Variants in IL23R observed in about 807,000 individuals in gnomAD.
The protein encoded by IL23R is interleukin-23 receptor.
IL23R carries 34 observed loss-of-function variants against 56.9 expected under a neutral mutation model. The ratio of observed to expected loss-of-function variants is 0.60; its 90% CI spans 0.45 to 0.80. The LOEUF (loss-of-function observed/expected upper bound fraction) is 0.80. IL23R is among the 30% of genes least tolerant of loss of function. IL23R has a pLI of 0.00. For synonymous variants in IL23R, 230 were observed against 249.2 expected (o/e 0.92, Z 0.73); for missense variants, 635 against 730.0 (o/e 0.87, Z 1.50).
chr1:67,175,441 T>G (rs988215492), intron 3 of IL23R, among the ~76,000 whole-genome samples: 6 of 152,172 alleles, frequency 3.9e-5, no homozygotes, highest in African/African-American at 1.4e-4. Context: ...CCACCATTTA[T>G]CTCCAGAACC....
chr1:67,260,968 C>T (rs1468755089), downstream of IL23R, among the ~76,000 whole-genome samples: 2 of 152,002 alleles, frequency 1.3e-5, no homozygotes, highest in East Asian at 1.9e-4. Flanking sequence ...CAACAGTTGT[C>T]AATTTATACT....
intron 4 of IL23R, among the ~76,000 whole-genome samples, chr1:67,194,583 TG>T (rs1647996068): frequency 6.6e-6 from 1 of 152,234 alleles, no homozygotes; most frequent in East Asian, 1.9e-4. Context: ...GGTGCTAATA[TG>T]GGGTAGACTT....
chr1:67,186,961 C>T (rs940919109), intron 4 of IL23R, among the ~76,000 whole-genome samples: 16 of 152,088 alleles, frequency 1.1e-4, no homozygotes, highest in Non-Finnish European at 1.6e-4. Context: ...ATTTGGAACA[C>T]ATTTTATTTA....
rs144310325 is a variant in IL23R, at chr1:67,153,827, G to A, written c.-633-14265G>A. ...GTCACCCAGGCTGGAGTGCAGTGGCGCAATTTCGGCTCACTGCAAGCTCCG... is the reference window on the plus strand; with the variant it reads ...GTCACCCAGGCTGGAGTGCAGTGGCACAATTTCGGCTCACTGCAAGCTCCG... On this transcript the variant is annotated intron_variant, in intron 1 of 10. Coordinates refer to the IL23R transcript ENST00000637002. Among the ~76,000 whole-genome samples, 178 of 151,968 alleles carry A rather than the reference G, an allele frequency of 1.2e-3. 2 individuals carry two copies. In the East Asian group the frequency reaches 0.029, roughly 25 times the overall value.
At chr1:67,231,137 C>G (rs1651076415) in intron 7 of IL23R, among the ~76,000 whole-genome samples, 1 of 152,184 alleles carries the variant, frequency 6.6e-6, no homozygotes. Context: ...CTGCTCTAAT[C>G]AAAGCCTTTA....
chr1:67,185,275 G>A (rs1323342689), intron 4 of IL23R, among the ~76,000 whole-genome samples: 1 of 152,154 alleles, frequency 6.6e-6, no homozygotes, highest in East Asian at 1.9e-4. Flanking sequence ...TTGAACATAG[G>A]TTGCCTGACT....
At chr1:67,233,974 A>T (rs1209749885) in intron 7 of IL23R, among the ~76,000 whole-genome samples, 18 of 130,614 alleles carry the variant, frequency 1.4e-4, no homozygotes, top group Non-Finnish European at 2.5e-4. Context: ...TGTGTGTGTG[A>T]GATTCTGTGT....
At chr1:67,162,936 C>A (rs116318148), upstream of IL23R, among the ~76,000 whole-genome samples, 2 of 152,142 alleles carry the variant, frequency 1.3e-5, no homozygotes, top group Admixed American at 1.3e-4. Context: ...AAGGTGTGCA[C>A]GCAGTCTTCA....
At chr1:67,205,473 C>T (rs1648940620) in intron 5 of IL23R, among the ~76,000 whole-genome samples, 1 of 152,138 alleles carries the variant, frequency 6.6e-6, no homozygotes, top group African/African-American at 2.4e-5. Context: ...TTAAATAGTA[C>T]AGCTATCAAA....
chr1:67,176,645 T>A (rs949463719), intron 3 of IL23R, among the ~76,000 whole-genome samples: 7 of 152,186 alleles, frequency 4.6e-5, no homozygotes, highest in East Asian at 1.9e-4. Context: ...TTAATTTTTT[T>A]AAATTATACT....
chr1:67,251,257 C>A (rs1362750568), intron 9 of IL23R, among the ~76,000 whole-genome samples: 1 of 152,102 alleles, frequency 6.6e-6, no homozygotes, highest in Non-Finnish European at 1.5e-5. Context: ...TCGAGACCAT[C>A]CTGGCTAACA....
At position 67,187,055 on chromosome 1, in the gene IL23R, G is replaced by A. The variant is rs142035376; in HGVS notation, c.491+4096G>A. Among the ~76,000 whole-genome samples the A allele has an allele frequency of 9.9e-5, 15 of 151,896 alleles. No individual in the cohort carries two copies. The South Asian group carries it at 2.5e-3, about 25-fold the overall frequency. On this transcript the variant is annotated intron_variant, in intron 4 of 10. Coordinates refer to ENST00000347310, the MANE Select transcript of IL23R (RefSeq NM_144701.3). Reference sequence around the variant, plus strand: ...TTCTTCTATTAATATTTGTGTACACGTTTTGTGTAGACATATTTTTATTTC... The same window carrying A: ...TTCTTCTATTAATATTTGTGTACACATTTTGTGTAGACATATTTTTATTTC...
chr1:67,162,400 T>C (rs1304849571), upstream of IL23R, among the ~76,000 whole-genome samples: 2 of 152,014 alleles, frequency 1.3e-5, no homozygotes, highest in African/African-American at 4.8e-5. Flanking sequence ...GGCAGGAGAA[T>C]TGCTTGAACC....
chr1:67,242,422 G>A (rs111512085), intron 9 of IL23R, among the ~76,000 whole-genome samples: 3,985 of 152,212 alleles, frequency 0.026, 186 homozygotes, highest in African/African-American at 0.091. Context: ...GTTCATAGAG[G>A]CATAAGCAAG....
At chr1:67,143,302 A>C (rs922429365) in intron 1 of IL23R, among the ~76,000 whole-genome samples, 1 of 152,252 alleles carries the variant, frequency 6.6e-6, no homozygotes, top group East Asian at 1.9e-4. Context: ...TAACGAATAT[A>C]TAAATATCAT....
At chr1:67,165,107 G>T (rs1043499570), upstream of IL23R, among the ~76,000 whole-genome samples, 20 of 152,082 alleles carry the variant, frequency 1.3e-4, no homozygotes, top group African/African-American at 4.1e-4. Context: ...TACTCAGGAA[G>T]CTGAAATGGG....
intron 9 of IL23R, among the ~76,000 whole-genome samples, chr1:67,246,448 T>C (rs1311931870): frequency 1.3e-5 from 2 of 152,236 alleles, no homozygotes; most frequent in Non-Finnish European, 2.9e-5. Flanking sequence ...TGTGGGCATT[T>C]AGTGCTATAA....
intron 4 of IL23R, among the ~76,000 whole-genome samples, chr1:67,186,688 G>A (rs747146675): frequency 9.9e-5 from 15 of 151,496 alleles, no homozygotes; most frequent in East Asian, 1.9e-4. Flanking sequence ...GTGTGATCTC[G>A]GCTCACTACA....
intron 1 of IL23R, among the ~76,000 whole-genome samples, chr1:67,166,989 C>T (rs1348690266): frequency 6.6e-6 from 1 of 152,154 alleles, no homozygotes; most frequent in East Asian, 1.9e-4. Context: ...TGAGTTAATT[C>T]ATGTAACTGA....
Sources: allele counts gnomAD v4.1 joint callset (sites outside exome capture counted in the v4.1 genomes callset), GRCh38; gene constraint gnomAD v4.1.1; transcripts MANE v1.5; gene names NCBI Gene and HGNC (gene_info 2026-07-23, HGNC 2026-07-21).